COL14A1: variants seen among roughly 807,000 people sequenced by gnomAD.
COL14A1 encodes the protein collagen type XIV alpha 1 chain.
COL14A1 carries 136 observed loss-of-function variants against 230.3 expected under a neutral mutation model. The ratio of observed to expected loss-of-function variants is 0.59; its 90% CI spans 0.51 to 0.68. COL14A1 has a LOEUF of 0.68. Ranked by LOEUF, COL14A1 falls within the 30% of genes least tolerant of loss-of-function variation. COL14A1 has a pLI of 0.00. For synonymous variants in COL14A1, 792 were observed against 784.1 expected (o/e 1.01, Z -0.17); for missense variants, 1,976 against 2,215.8 (o/e 0.89, Z 2.17).
At chr8:120,142,774 A>T (rs778720615) in intron 1 of COL14A1, among the ~76,000 whole-genome samples, 5 of 152,196 alleles carry the variant, frequency 3.3e-5, no homozygotes, top group Non-Finnish European at 7.3e-5. Flanking sequence ...ATCAAAGTAT[A>T]TGGGTCTCCC....
At chr8:120,177,513 G>A (rs1816317935) in intron 5 of COL14A1, among the ~76,000 whole-genome samples, 1 of 151,756 alleles carries the variant, frequency 6.6e-6, no homozygotes, top group Admixed American at 6.6e-5. Context: ...GCCGGGAGTG[G>A]TGGCGCACAT....
intron 1 of COL14A1, among the ~76,000 whole-genome samples, chr8:120,145,092 T>A (rs1272857298): frequency 6.6e-6 from 1 of 152,232 alleles, no homozygotes; most frequent in African/African-American, 2.4e-5. Context: ...ACAGTTATTT[T>A]GTTTAAAAAA....
chr8:120,210,765 G>A (rs964324358), intron 12 of COL14A1, among the ~76,000 whole-genome samples: 4 of 152,170 alleles, frequency 2.6e-5, no homozygotes, highest in African/African-American at 9.7e-5. Context: ...ATTGTGTAAA[G>A]CCTGTCCCTG....
intron 26 of COL14A1, 54 bp downstream of exon 26, chr8:120,270,228 G>C: frequency 6.5e-7 from 1 of 1,528,842 alleles, no homozygotes; most frequent in South Asian, 1.2e-5. Flanking sequence ...TATTTCTCCA[G>C]CTCTTATTAC....
intron 3 of COL14A1, among the ~76,000 whole-genome samples, chr8:120,162,087 G>A (rs1360987880): frequency 6.6e-6 from 1 of 152,150 alleles, no homozygotes; most frequent in East Asian, 1.9e-4. Context: ...GTGTTATGAT[G>A]AAATATTTTT....
In COL14A1 at chr8:120,246,938, A is replaced by G. The variant is rs1818784482; in HGVS notation, c.2480-675A>G. 2.0e-5 allele frequency among the ~76,000 whole-genome samples: 3 copies of G among 152,228 alleles called. No homozygotes were observed. The South Asian group carries it at 6.2e-4, about 32-fold the overall frequency. ...AATAATCACCATTAACATTCTATGA[A>G]CACACCCCCAGTATTGCTGTTCACA... On this transcript the variant is annotated intron_variant, in intron 20 of 47. Transcript: ENST00000297848.
intron 42 of COL14A1, among the ~76,000 whole-genome samples, chr8:120,333,014 C>G (rs1029275109): frequency 1.3e-5 from 2 of 152,190 alleles, no homozygotes; most frequent in African/African-American, 4.8e-5. Context: ...TAAGCAAACT[C>G]AATATCATCT....
intron 1 of COL14A1, among the ~76,000 whole-genome samples, chr8:120,146,811 A>G (rs1815103954): frequency 1.3e-5 from 2 of 152,128 alleles, no homozygotes; most frequent in African/African-American, 4.8e-5. Flanking sequence ...GGAAATGAAT[A>G]AACGAATATA....
intron 45 of COL14A1, among the ~76,000 whole-genome samples, chr8:120,352,223 T>C (rs2130324681): frequency 2.6e-5 from 1 of 38,828 alleles, no homozygotes; most frequent in East Asian, 7.5e-4. Context: ...AAATTAGGTA[T>C]TGATGGGACA....
intron 5 of COL14A1, among the ~76,000 whole-genome samples, chr8:120,195,856 C>G (rs1817019173): frequency 6.6e-6 from 1 of 152,108 alleles, no homozygotes; most frequent in South Asian, 2.1e-4. Context: ...GGGACACAAC[C>G]AAACCATATC....
intron 19 of COL14A1, among the ~76,000 whole-genome samples, chr8:120,234,015 C>T (rs757283768): frequency 1.3e-5 from 2 of 152,102 alleles, no homozygotes; most frequent in African/African-American, 2.4e-5. Context: ...TTGAGTTCTC[C>T]TTGAAGAGGT....
At chr8:120,289,206 C>T (rs766893929) in intron 33 of COL14A1, among the ~76,000 whole-genome samples, 2 of 152,040 alleles carry the variant, frequency 1.3e-5, no homozygotes, top group Admixed American at 1.3e-4. Context: ...GCCAACCACT[C>T]GTGGTGCTTT....
intron 1 of COL14A1, among the ~76,000 whole-genome samples, chr8:120,135,230 C>G (rs959758579): frequency 2.6e-5 from 4 of 152,054 alleles, no homozygotes; most frequent in Non-Finnish European, 4.4e-5. Flanking sequence ...CTGGCATAAT[C>G]TCTCTGGAGA....
chr8:120,254,542 CT>C (rs956967842), intron 22 of COL14A1, among the ~76,000 whole-genome samples: 1 of 151,964 alleles, frequency 6.6e-6, no homozygotes, highest in Non-Finnish European at 1.5e-5. Flanking sequence ...ACTGTATTTA[CT>C]TTTTTATTAT....
At chr8:120,256,315 A>T (rs1321966672) in intron 23 of COL14A1, among the ~76,000 whole-genome samples, 1 of 152,180 alleles carries the variant, frequency 6.6e-6, no homozygotes, top group East Asian at 1.9e-4. Flanking sequence ...CATATTCCTG[A>T]CTATAGCTAT....
At chr8:120,167,881 C>T (rs1815961811) in intron 4 of COL14A1, among the ~76,000 whole-genome samples, 1 of 152,180 alleles carries the variant, frequency 6.6e-6, no homozygotes, top group South Asian at 2.1e-4. Flanking sequence ...GATAATTATG[C>T]TGATTTTACA....
intron 45 of COL14A1, among the ~76,000 whole-genome samples, chr8:120,346,001 C>A (rs944072129): frequency 2.6e-5 from 4 of 152,218 alleles, no homozygotes; most frequent in African/African-American, 7.2e-5. Context: ...GGTGCCCAGA[C>A]TGGGCAATAG....
intron 34 of COL14A1, among the ~76,000 whole-genome samples, chr8:120,291,579 A>AAC (rs1279271276): frequency 6.6e-6 from 1 of 150,962 alleles, no homozygotes; most frequent in Non-Finnish European, 1.5e-5. Flanking sequence ...AAAAAAAAAA[A>AAC]AACCAAAAAA....
At chr8:120,228,549 CCTTA>C (rs1427758842) in intron 17 of COL14A1, among the ~76,000 whole-genome samples, 157 bp from the exon 18 acceptor site, 3 of 152,166 alleles carry the variant, frequency 2.0e-5, no homozygotes, top group Non-Finnish European at 2.9e-5. Context: ...GGTATGTCTG[CCTTA>C]CTTACAATTC....
Sources: gnomAD v4.1 joint callset for allele counts (sites outside exome capture counted in the v4.1 genomes callset) on GRCh38, gnomAD v4.1.1 for gene constraint, MANE v1.5 for transcripts, NCBI Gene and HGNC (gene_info 2026-07-23, HGNC 2026-07-21) for gene names.